The following ARMC9 variants were observed in gnomAD, a reference collection of about 807,000 sequenced individuals.
ARMC9 encodes the protein armadillo repeat containing 9, also known as lisH domain-containing protein ARMC9.
Under a neutral mutation model 107.0 loss-of-function variants are expected in ARMC9, and 94 were observed. That is an observed-to-expected ratio of 0.88 (90% confidence interval 0.74 to 1.04). The LOEUF (loss-of-function observed/expected upper bound fraction) is 1.04, where lower values mean the gene tolerates loss of function less well. ARMC9 is among the 50% of genes least tolerant of loss of function. The pLI is 0.00. For missense variants in ARMC9, 942 were observed against 1,030.1 expected (o/e 0.91, Z 1.17); for synonymous variants, 380 against 396.9 (o/e 0.96, Z 0.51).
Position 231,348,285 on chromosome 2 carries a change from C to T in ARMC9, c.1994+3195C>T, listed in dbSNP as rs556319810. 3.9e-5 allele frequency among the ~76,000 whole-genome samples: 6 copies of T among 152,282 alleles called. No homozygotes were observed. In the South Asian group the frequency reaches 1.0e-3, roughly 26 times the overall value. On this transcript the variant is annotated intron_variant, in intron 21 of 24. Coordinates refer to ENST00000611582, the MANE Select transcript of ARMC9 (RefSeq NM_001352754.2). ...ACAACTGTGTCAGAAGTCTGAGTGACGCAAGGCCATGAGCCGAGGAATGCA... is the reference window on the plus strand; with the variant it reads ...ACAACTGTGTCAGAAGTCTGAGTGATGCAAGGCCATGAGCCGAGGAATGCA...
At chr2:231,318,832 G>A (rs1175442974) in intron 19 of ARMC9, among the ~76,000 whole-genome samples, 1 of 152,198 alleles carries the variant, frequency 6.6e-6, no homozygotes, top group Non-Finnish European at 1.5e-5. Flanking sequence ...TATATGCCTA[G>A]GGCCAGAAGT....
At position 231,347,959 on chromosome 2, in the gene ARMC9, C is replaced by T. The variant is rs2044880368; in HGVS notation, c.1994+2869C>T. Among the ~76,000 whole-genome samples the T allele has an allele frequency of 2.0e-5, 3 of 152,118 alleles. No homozygotes were observed. The South Asian group carries it at 6.2e-4, about 32-fold the overall frequency. On this transcript the variant is annotated intron_variant, in intron 21 of 24. Transcript: ENST00000611582. ...ATCCTTTTAGGATTTTGATTAGTAT[C>T]ACATTAAATTTATGTAATGTTTTGG...
At chr2:231,341,602 G>A (rs2044503138) in intron 20 of ARMC9, among the ~76,000 whole-genome samples, 1 of 148,064 alleles carries the variant, frequency 6.8e-6, no homozygotes, top group Non-Finnish European at 1.5e-5. Context: ...TTTTCTATGT[G>A]TACAGAGATA....
chr2:231,328,420 T>G (rs2043478246), intron 19 of ARMC9, among the ~76,000 whole-genome samples: 1 of 152,224 alleles, frequency 6.6e-6, no homozygotes, highest in Admixed American at 6.5e-5. Context: ...GAAATTCATT[T>G]TATCAATTTT....
chr2:231,291,490 A>G, intron 18 of ARMC9, 47 bp downstream of exon 18: 1 of 1,570,468 alleles, frequency 6.4e-7, no homozygotes, highest in South Asian at 1.1e-5. Flanking sequence ...AATTATTCAC[A>G]TTTGCCAGAA....
intron 16 of ARMC9, 69 bp from the exon 17 acceptor site, chr2:231,281,990 G>T (rs2040249040): frequency 6.3e-6 from 9 of 1,434,942 alleles, no homozygotes; most frequent in Non-Finnish European, 8.8e-6. Flanking sequence ...TCTGAGGTGT[G>T]GTGTTTGATA....
chr2:231,295,612 C>T (rs1247652457), intron 18 of ARMC9: 1 of 152,278 alleles, frequency 6.6e-6, no homozygotes, highest in Non-Finnish European at 1.5e-5. Flanking sequence ...TTTGTGCTAC[C>T]AACTTACTGC....
intron 8 of ARMC9, among the ~76,000 whole-genome samples, chr2:231,238,207 G>A (rs1162535927): frequency 6.6e-6 from 1 of 151,986 alleles, no homozygotes; most frequent in Non-Finnish European, 1.5e-5. Flanking sequence ...AGGATCTAGG[G>A]TGAAAAAGAA....
chr2:231,325,552 T>C (rs1220224887), intron 19 of ARMC9, among the ~76,000 whole-genome samples: 1 of 152,110 alleles, frequency 6.6e-6, no homozygotes, highest in African/African-American at 2.4e-5. Flanking sequence ...CCTCTGAGGC[T>C]CTGTCCCCTG....
chr2:231,314,240 C>T (rs768163957), intron 19 of ARMC9, among the ~76,000 whole-genome samples: 141 of 151,798 alleles, frequency 9.3e-4, no homozygotes, highest in Non-Finnish European at 9.4e-4. Context: ...CCACCATGCC[C>T]GGCTAATTTT....
chr2:231,356,079 G>A (rs2045334643), intron 22 of ARMC9, 145 bp downstream of exon 22: 6 of 1,135,246 alleles, frequency 5.3e-6, no homozygotes, highest in Admixed American at 2.9e-5. Context: ...AGAGGCTCAC[G>A]GGATTCCCAG....
intron 15 of ARMC9, among the ~76,000 whole-genome samples, chr2:231,277,143 C>A (rs1386044446): frequency 1.3e-5 from 2 of 152,180 alleles, no homozygotes; most frequent in Non-Finnish European, 2.9e-5. Flanking sequence ...GTAGCAGTGA[C>A]ACTAAACCAC....
In ARMC9 at chr2:231,268,680, G is replaced by A. The variant is rs562783057; in HGVS notation, c.1120-2302G>A. Among the ~76,000 whole-genome samples the A allele has an allele frequency of 1.6e-4, 24 of 152,208 alleles. No homozygotes were observed. In the South Asian group the frequency reaches 3.5e-3, roughly 22 times the overall value. On this transcript the variant is annotated intron_variant, in intron 12 of 24. Coordinates refer to ENST00000611582, the MANE Select transcript of ARMC9 (RefSeq NM_001352754.2). ...TGGTCAAGAAATGTCTTCATTCTTCGTATAGAATCCTGGATTGTAAATAAT... is the reference window on the plus strand; with the variant it reads ...TGGTCAAGAAATGTCTTCATTCTTCATATAGAATCCTGGATTGTAAATAAT...
chr2:231,216,804 G>A lies in ARMC9; in HGVS notation c.504+11G>A, dbSNP rs2033555113. Reference sequence around the variant, plus strand: ...AAAGAACTCTTCCAGGTAAATGTCAGCTTTTAACTCTTGTGTCAGATCCTG... The same window carrying A: ...AAAGAACTCTTCCAGGTAAATGTCAACTTTTAACTCTTGTGTCAGATCCTG... On this transcript the variant is annotated intron_variant, in intron 5 of 24. Coordinates refer to ENST00000611582, the MANE Select transcript of ARMC9 (RefSeq NM_001352754.2). 6.2e-7 allele frequency: 1 copy of A among 1,608,702 alleles called. No homozygotes were observed. Among genetic ancestry groups the A allele is most frequent in the South Asian group, 1.1e-5 (1 of 89,878 alleles).
intron 3 of ARMC9, among the ~76,000 whole-genome samples, chr2:231,214,236 C>T (rs1010642653): frequency 2.0e-5 from 3 of 152,236 alleles, no homozygotes; most frequent in Non-Finnish European, 4.4e-5. Context: ...AGCTGGCAGG[C>T]GTGGACAGTC....
chr2:231,255,072 TTG>T lies in ARMC9; in HGVS notation c.880-1513_880-1512del, dbSNP rs2037645259. On this transcript the variant is annotated intron_variant, in intron 9 of 24. Transcript: ENST00000611582. This position sits in a 1 kb window ranked among gnomAD's most constrained non-coding sequence, Gnocchi z 4.7. Reference sequence around the variant, plus strand: ...ATTTTCTCAAAATATCTTTTTACAGTTGGTTTATTTGAGTCAGTTCAAACAAG... The same window carrying T: ...ATTTTCTCAAAATATCTTTTTACAGTGTTTATTTGAGTCAGTTCAAACAAG... 6.6e-6 allele frequency among the ~76,000 whole-genome samples: 1 copy of T among 152,122 alleles called. No individual in the cohort carries two copies. The highest frequency in any genetic ancestry group is 6.6e-5 in the Admixed American group (1 of 15,264).
At chr2:231,359,627 A>G (rs1244098967) in intron 22 of ARMC9, among the ~76,000 whole-genome samples, 1 of 152,112 alleles carries the variant, frequency 6.6e-6, no homozygotes, top group Non-Finnish European at 1.5e-5. Flanking sequence ...ACACGTTGTA[A>G]TGGGGTTCCC....
chr2:231,297,576 G>A lies in ARMC9; in HGVS notation c.1773+1323G>A, dbSNP rs1037701011. On this transcript the variant is annotated intron_variant, in intron 19 of 24. Coordinates refer to ENST00000611582, the MANE Select transcript of ARMC9 (RefSeq NM_001352754.2). This position sits in a 1 kb window ranked among gnomAD's most constrained non-coding sequence, Gnocchi z 4.2. Reference sequence around the variant, plus strand: ...TGTTCCTGTAAAACTATTTATGGACGCTAAAAATTTGAATTTCATACAATT... The same window carrying A: ...TGTTCCTGTAAAACTATTTATGGACACTAAAAATTTGAATTTCATACAATT... Among the ~76,000 whole-genome samples, 1 of 152,128 alleles carries A rather than the reference G, an allele frequency of 6.6e-6. No homozygotes were observed. The highest frequency in any genetic ancestry group is 1.5e-5 in the Non-Finnish European group (1 of 68,030).
intron 18 of ARMC9, 51 bp downstream of exon 18, chr2:231,291,494 G>C (rs761990461): frequency 6.4e-7 from 1 of 1,563,508 alleles, no homozygotes; most frequent in East Asian, 2.3e-5. Flanking sequence ...ATTCACATTT[G>C]CCAGAAAGAC....
Sources: allele counts gnomAD v4.1 joint callset (sites outside exome capture counted in the v4.1 genomes callset), GRCh38; gene constraint gnomAD v4.1.1; non-coding constraint Gnocchi (gnomAD v3.1); transcripts MANE v1.5; gene names NCBI Gene and HGNC (gene_info 2026-07-23, HGNC 2026-07-21).